BTBD8: variants seen among roughly 807,000 people sequenced by gnomAD.
The protein encoded by BTBD8 is BTB/POZ domain-containing protein 8.
Under a neutral mutation model 162.9 loss-of-function variants are expected in BTBD8, and 110 were observed. That is an observed-to-expected ratio of 0.68 (90% CI 0.58 to 0.79). The LOEUF (loss-of-function observed/expected upper bound fraction) is 0.79. Among genes scored for constraint, BTBD8 ranks in the 30% least tolerant of loss-of-function variants. BTBD8 has a pLI of 0.00. For missense variants in BTBD8, 1,905 were observed against 2,085.4 expected, an observed-to-expected ratio of 0.91 and a Z score of 1.68; for synonymous variants, 667 against 716.1, an observed-to-expected ratio of 0.93 and a Z score of 1.10.
Position 92,080,362 on chromosome 1 carries a change from C to T in BTBD8, c.-210C>T, listed in dbSNP as rs2101885859. Reference sequence around the variant, plus strand: ...CGCACGCTCTTCCTGGGTCAAGAGCCGGCTCGGTTCTGGGATTCTGAGGCT... The same window carrying T: ...CGCACGCTCTTCCTGGGTCAAGAGCTGGCTCGGTTCTGGGATTCTGAGGCT... On this transcript the variant is annotated 5_prime_UTR_variant, in exon 1 of 18. Coordinates refer to ENST00000636805, the MANE Select transcript of BTBD8 (RefSeq NM_001376131.1). The T allele has an allele frequency of 7.7e-6, 5 of 649,056 alleles. No homozygotes were observed. Among genetic ancestry groups the T allele is most frequent in the East Asian group, 3.3e-5 (1 of 30,192 alleles). The allele number at this position is 649,056 out of a possible 1,614,324, so 40.2% of individuals were successfully genotyped here. A position where few individuals can be genotyped will look rare whatever the true frequency, so the allele number is the denominator to read the frequency against.
At chr1:92,100,350 G>T (rs780495972) in intron 2 of BTBD8, among the ~76,000 whole-genome samples, 4 of 152,126 alleles carry the variant, frequency 2.6e-5, no homozygotes, top group African/African-American at 4.8e-5. Context: ...GAGTTGGGAA[G>T]TGTTCCTTCC....
At position 92,139,085 on chromosome 1, in the gene BTBD8, A is replaced by T. The variant is rs184085392; in HGVS notation, c.753-265A>T. Among the ~76,000 whole-genome samples the T allele has an allele frequency of 1.6e-4, 25 of 152,334 alleles. No homozygotes were observed. In the East Asian group the frequency reaches 4.4e-3, roughly 27 times the overall value. On this transcript the variant is annotated intron_variant, in intron 5 of 17. Coordinates refer to ENST00000636805, the MANE Select transcript of BTBD8 (RefSeq NM_001376131.1). ...AGACAGTGAGTAGAAGTGTTTTCTA[A>T]CTTTAAAAGTGTATGGTAGAAGACG...
At chr1:92,175,808 AAAAG>A (rs1415075337) in intron 13 of BTBD8, among the ~76,000 whole-genome samples, 1 of 152,088 alleles carries the variant, frequency 6.6e-6, no homozygotes, top group African/African-American at 2.4e-5. Context: ...AAAGAAAGAA[AAAAG>A]AAAGAAAAAA....
chr1:92,161,148 T>A (rs1650265161), intron 9 of BTBD8, among the ~76,000 whole-genome samples: 1 of 152,240 alleles, frequency 6.6e-6, no homozygotes, highest in Non-Finnish European at 1.5e-5. Flanking sequence ...GCCTCTCAAC[T>A]AGTTTCTCAA....
intron 1 of BTBD8, among the ~76,000 whole-genome samples, chr1:92,086,379 G>T (rs1254541036): frequency 6.6e-6 from 1 of 152,146 alleles, no homozygotes; most frequent in Non-Finnish European, 1.5e-5. Flanking sequence ...TGCAAGCCCT[G>T]CCTCAGCGTT....
Position 92,126,338 on chromosome 1 carries a change from AG to A in BTBD8, c.663-3348del, listed in dbSNP as rs1327627760. The A allele has an allele frequency of 1.3e-5, 8 of 601,438 alleles. No homozygotes were observed. In the East Asian group the frequency reaches 3.6e-4, roughly 27 times the overall value. 37.3% of individuals were successfully genotyped at this position (601,438 alleles called of 1,614,324 possible). ...TGATGAATCACCCTCCTGCTGCCAC[AG>A]TGGTTGTACATGGCCCCTTGAAGTA... On this transcript the variant is annotated intron_variant, in intron 4 of 17. Coordinates refer to ENST00000636805, the MANE Select transcript of BTBD8 (RefSeq NM_001376131.1).
intron 5 of BTBD8, among the ~76,000 whole-genome samples, chr1:92,130,200 C>T (rs1337446277): frequency 4.6e-5 from 7 of 151,992 alleles, no homozygotes; most frequent in Admixed American, 1.3e-4. Flanking sequence ...TATAAGGAAA[C>T]GAATCCTATC....
chr1:92,166,098 A>G (rs1407705898), intron 9 of BTBD8, among the ~76,000 whole-genome samples: 1 of 152,172 alleles, frequency 6.6e-6, no homozygotes, highest in Non-Finnish European at 1.5e-5. Context: ...TTTTCCATAG[A>G]GATCAATATT....
At position 92,181,568 on chromosome 1, in the gene BTBD8, T is replaced by C; in HGVS notation, c.3885T>C (p.Asp1295=). ...ISKCGTMLCH[D]FLGRSSSDTS... is the part of the protein sequence containing the mutation. ...AATGTGGCACTATGCTGTGCCATGA[T>C]TTTCTTGGAAGAAGTAGCAGTGATA... Residue 1295 remains aspartate, a synonymous_variant, in exon 17 of 18, where the codon GAT becomes GAC. Transcript: ENST00000636805. 3.9e-6 allele frequency: 6 copies of C among 1,551,666 alleles called. No homozygotes were observed. The highest frequency in any genetic ancestry group is 1.4e-5 in the African/African-American group (1 of 73,176).
intron 3 of BTBD8, among the ~76,000 whole-genome samples, chr1:92,105,628 T>C (rs1375262227): frequency 6.6e-6 from 1 of 152,172 alleles, no homozygotes; most frequent in Non-Finnish European, 1.5e-5. Context: ...GTGACTGATC[T>C]TCACCAGAGC....
At position 92,117,827 on chromosome 1, in the gene BTBD8, G is replaced by A. The variant is rs142425875; in HGVS notation, c.662+9826G>A. On this transcript the variant is annotated intron_variant, in intron 4 of 17. Coordinates refer to ENST00000636805, the MANE Select transcript of BTBD8 (RefSeq NM_001376131.1). ...CTAGAAACTGCTTCTAGGAAGAAAA[G>A]CATTGTGATTGTAGAGCTTACTTCA... is the stretch of plus-strand genomic sequence containing the variant. Among the ~76,000 whole-genome samples, 183 of 152,128 alleles carry A rather than the reference G, an allele frequency of 1.2e-3. 4 individuals carry two copies. In the East Asian group the frequency reaches 0.029, roughly 24 times the overall value.
intron 2 of BTBD8, among the ~76,000 whole-genome samples, chr1:92,101,181 T>C (rs562015589): frequency 2.2e-4 from 33 of 152,328 alleles, no homozygotes; most frequent in African/African-American, 7.9e-4. Flanking sequence ...TATGATGTTT[T>C]CTAATCCTGA....
At chr1:92,175,477 C>CAAAAAAAAAAAAAAAA (rs71091265) in intron 13 of BTBD8, among the ~76,000 whole-genome samples, 8 of 37,456 alleles carry the variant, frequency 2.1e-4, no homozygotes, top group African/African-American at 7.8e-4. Context: ...GACTCCATCT[C>CAAAAAAAAAAAAAAAA]AAAAAAAAAA....
Position 92,171,444 on chromosome 1 carries a change from T to C in BTBD8, c.1619T>C (p.Ile540Thr), listed in dbSNP as rs984729913. 9 of 1,529,038 alleles carry C rather than the reference T, an allele frequency of 5.9e-6. No individual in the cohort carries two copies. The highest frequency in any genetic ancestry group is 7.9e-6 in the Non-Finnish European group (9 of 1,135,278). 94.7% of individuals were successfully genotyped at this position (1,529,038 alleles called of 1,614,324 possible). A position where few individuals can be genotyped will look rare whatever the true frequency, so the allele number is the denominator to read the frequency against. Residue 540 changes from isoleucine (I) to threonine (T), a missense_variant, in exon 13 of 18, where the codon ATA (isoleucine) becomes ACA (threonine). Ile to Thr is a moderately conservative substitution (Grantham distance 89). This residue lies in a region of BTBD8 where 1,374 missense variants were observed against 1,442.7 expected (regional missense o/e 0.95). Coordinates refer to ENST00000636805, the MANE Select transcript of BTBD8 (RefSeq NM_001376131.1). ...GDDRRLGKKP[I>T]FSSSQQRKQV... ...GATCGAAGACTTGGCAAAAAGCCTA[T>C]ATTCAGTAGCTCGCAGGTAAACTTT... is the stretch of plus-strand genomic sequence containing the variant.
intron 4 of BTBD8, among the ~76,000 whole-genome samples, chr1:92,117,724 C>T (rs1478518270): frequency 6.6e-6 from 1 of 152,036 alleles, no homozygotes. Flanking sequence ...GCTGACTCAG[C>T]TTCTTGGGTC....
Position 92,180,350 on chromosome 1 carries a change from T to C in BTBD8, c.2667T>C (p.Asn889=). Reference sequence around the variant, plus strand: ...AAAATGTGGCAAAGTTGGACCACAATACAACTACAGAGAAACAAGCACCTA... The same window carrying C: ...AAAATGTGGCAAAGTTGGACCACAACACAACTACAGAGAAACAAGCACCTA... ...SDENVAKLDH[N]TTTEKQAPKR... Residue 889 remains asparagine (N), a synonymous_variant, in exon 17 of 18, where the codon AAT becomes AAC. Transcript: ENST00000636805. 6.4e-7 allele frequency: 1 copy of C among 1,551,616 alleles called. No individual in the cohort carries two copies. The highest frequency in any genetic ancestry group is 1.2e-5 in the South Asian group (1 of 84,058).
rs1188922211 is a variant in BTBD8 at position 92,180,577 on chromosome 1, T to C, written c.2894T>C (p.Val965Ala). ...QRPLKHETST[V>A]QKSMFHDVRD... ...CCTTTAAAACATGAAACATCTACTG[T>C]CCAAAAAAGTATGTTTCATGATGTG... Residue 965 changes from valine (V) to alanine (A), a missense_variant, in exon 17 of 18, where the codon GTC (valine) becomes GCC (alanine). By Grantham distance (64) the Val-to-Ala change is moderately conservative. Transcript: ENST00000636805. 2.6e-6 allele frequency: 4 copies of C among 1,551,352 alleles called. No individual in the cohort carries two copies. Among genetic ancestry groups the C allele is most frequent in the African/African-American group, 1.4e-5 (1 of 72,990 alleles).
chr1:92,110,695 A>G (rs1428360187), intron 4 of BTBD8, among the ~76,000 whole-genome samples: 1 of 152,052 alleles, frequency 6.6e-6, no homozygotes, highest in Non-Finnish European at 1.5e-5. Flanking sequence ...GGCATCTGCC[A>G]CCACGCCTGG....
intron 5 of BTBD8, among the ~76,000 whole-genome samples, chr1:92,135,896 G>A (rs1336475870): frequency 6.6e-6 from 1 of 152,072 alleles, no homozygotes; most frequent in Non-Finnish European, 1.5e-5. Context: ...ATGTTGATAA[G>A]AATCGTTCTG....
Sources: allele counts gnomAD v4.1 joint callset (sites outside exome capture counted in the v4.1 genomes callset), GRCh38; gene constraint gnomAD v4.1.1; regional missense constraint gnomAD v4.1.1; transcripts MANE v1.5; gene names NCBI Gene and HGNC (gene_info 2026-07-23, HGNC 2026-07-21).